Variants in PCDHA1 observed in about 807,000 individuals in gnomAD.
PCDHA1 encodes protocadherin alpha-1.
Under a neutral mutation model 61.3 loss-of-function variants are expected in PCDHA1, and 42 were observed. The ratio of observed to expected loss-of-function variants is 0.69; its 90% confidence interval spans 0.54 to 0.89. The LOEUF (loss-of-function observed/expected upper bound fraction) is 0.89. Ranked by LOEUF, PCDHA1 falls within the 40% of genes least tolerant of loss-of-function variation. The pLI is 0.00. For synonymous variants in PCDHA1, 610 were observed against 553.8 expected (o/e 1.10, Z -1.43); for missense variants, 1,256 against 1,235.3 (o/e 1.02, Z -0.25).
intron 1 of PCDHA1, chr5:140,809,025 C>T (rs782755918): frequency 1.2e-6 from 2 of 1,613,628 alleles, no homozygotes; most frequent in African/African-American, 1.3e-5. Context: ...GAGCTGCAGC[C>T]GGGGACTGGT....
intron 1 of PCDHA1, chr5:140,795,517 A>T: frequency 1.9e-6 from 3 of 1,614,180 alleles, no homozygotes; most frequent in Non-Finnish European, 2.5e-6. Context: ...TATACAGGCA[A>T]ATGATGAACT....
At chr5:140,884,033 C>T in intron 1 of PCDHA1, 1 of 1,613,402 alleles carries the variant, frequency 6.2e-7, no homozygotes, top group Non-Finnish European at 8.5e-7. Context: ...GGGTGCAGGC[C>T]ACGTGGTGGC....
rs377029109 is a variant in PCDHA1, at chr5:141,002,346, C to G, written c.2543-7281C>G. On this transcript the variant is annotated intron_variant, in intron 3 of 3. Coordinates refer to ENST00000504120, the MANE Select transcript of PCDHA1 (RefSeq NM_018900.4). Reference sequence around the variant, plus strand: ...CGGGCTGCATCCGCACCCCTTCCCCCACCTCCACTCCTTTCAACTCATTCT... The same window carrying G: ...CGGGCTGCATCCGCACCCCTTCCCCGACCTCCACTCCTTTCAACTCATTCT... Among the ~76,000 whole-genome samples, 17 of 152,370 alleles carry G rather than the reference C, an allele frequency of 1.1e-4. No homozygotes were observed. The East Asian group carries it at 2.7e-3, about 24-fold the overall frequency.
chr5:140,870,666 G>T (rs782557554), intron 1 of PCDHA1: 1 of 1,612,662 alleles, frequency 6.2e-7, no homozygotes, highest in Admixed American at 1.7e-5. Context: ...CGCTGCAGCC[G>T]TTGGACCACG....
chr5:140,884,721 T>C, intron 1 of PCDHA1: 1 of 1,464,684 alleles, frequency 6.8e-7, no homozygotes, highest in South Asian at 1.5e-5. Flanking sequence ...TTGCAGTTGT[T>C]TGTTTAAGAC....
At position 140,883,814 on chromosome 5, in the gene PCDHA1, A is replaced by C. The variant is rs782678422; in HGVS notation, c.2394+95130A>C. 6.2e-7 allele frequency: 1 copy of C among 1,612,478 alleles called. No homozygotes were observed. ...CGTGTCGGTGCACGCGGAGAGCGGC[A>C]AGGTGTACGCGCTGCAGCCGTTGGA... On this transcript the variant is annotated intron_variant, in intron 1 of 3. Coordinates refer to ENST00000504120, the MANE Select transcript of PCDHA1 (RefSeq NM_018900.4).
At chr5:140,863,771 G>A (rs557463364) in intron 1 of PCDHA1, 111 of 240,518 alleles carry the variant, frequency 4.6e-4, no homozygotes, top group Non-Finnish European at 7.8e-4. Context: ...AGCCGAGGCG[G>A]GCGGATCACT....
intron 1 of PCDHA1, chr5:140,805,055 C>T (rs1554123209): frequency 1.3e-6 from 2 of 1,591,694 alleles, no homozygotes; most frequent in Non-Finnish European, 1.7e-6. Flanking sequence ...TACTTGTCTT[C>T]CCAGATATGG....
intron 1 of PCDHA1, chr5:140,882,983 GC>G: frequency 1.2e-6 from 2 of 1,614,130 alleles, no homozygotes; most frequent in Non-Finnish European, 1.7e-6. Context: ...GAATGACAAC[GC>G]CCCGGAATTT....
At chr5:140,920,868 T>C (rs1248971730) in intron 1 of PCDHA1, among the ~76,000 whole-genome samples, 4 of 149,716 alleles carry the variant, frequency 2.7e-5, no homozygotes, top group Non-Finnish European at 1.5e-5. Context: ...ACAAACAAAC[T>C]GTGGCCCTTA....
At chr5:140,927,896 A>C in intron 1 of PCDHA1, 1 of 1,614,200 alleles carries the variant, frequency 6.2e-7, no homozygotes, top group East Asian at 2.2e-5. Flanking sequence ...GACGTGAACG[A>C]TCATGCCCCC....
At chr5:140,922,288 T>C (rs2080761283) in intron 1 of PCDHA1, among the ~76,000 whole-genome samples, 1 of 152,150 alleles carries the variant, frequency 6.6e-6, no homozygotes, top group African/African-American at 2.4e-5. Context: ...GATATGAAAA[T>C]GCTAGGAGAG....
chr5:140,890,585 A>G (rs1158719431), intron 1 of PCDHA1, among the ~76,000 whole-genome samples: 1 of 152,086 alleles, frequency 6.6e-6, no homozygotes, highest in Admixed American at 6.5e-5. Context: ...TATTATTTGG[A>G]AGCCCTTTTC....
chr5:140,829,625 G>C (rs138462086), intron 1 of PCDHA1: 8 of 1,612,066 alleles, frequency 5.0e-6, no homozygotes, highest in South Asian at 3.3e-5. Flanking sequence ...TTCGGTGCAC[G>C]CGGAGAGCGG....
chr5:140,897,722 T>A (rs1236534951), intron 1 of PCDHA1, among the ~76,000 whole-genome samples: 1 of 152,162 alleles, frequency 6.6e-6, no homozygotes, highest in African/African-American at 2.4e-5. Flanking sequence ...GATGGCTGGG[T>A]CAAATAGTAT....
intron 1 of PCDHA1, among the ~76,000 whole-genome samples, chr5:140,905,327 TG>T (rs2071747762): frequency 6.6e-6 from 1 of 152,202 alleles, no homozygotes; most frequent in Non-Finnish European, 1.5e-5. Context: ...TATGCTTTGT[TG>T]AAGATCAGTT....
In PCDHA1 at chr5:140,947,881, A is replaced by G. The variant is rs191017624; in HGVS notation, c.2395-31068A>G. On this transcript the variant is annotated intron_variant, in intron 1 of 3. Transcript: ENST00000504120. ...TATAATGGCTAGGACTTCCAGGACA[A>G]TATAAACAGAAGTGGTGAGAGCAGA... 2.7e-3 allele frequency among the ~76,000 whole-genome samples: 417 copies of G among 151,684 alleles called. 2 individuals carry two copies. Among genetic ancestry groups the G allele is most frequent in the Middle Eastern group, 0.014 (4 of 294 alleles).
intron 1 of PCDHA1, among the ~76,000 whole-genome samples, chr5:140,891,988 A>T (rs1213568167): frequency 6.6e-6 from 1 of 152,216 alleles, no homozygotes. Flanking sequence ...TAAATTACTC[A>T]GTCTGTGGCA....
At chr5:140,818,146 T>C (rs1554127394) in intron 1 of PCDHA1, among the ~76,000 whole-genome samples, 1 of 152,228 alleles carries the variant, frequency 6.6e-6, no homozygotes, top group African/African-American at 2.4e-5. Flanking sequence ...TGCCTTCAAA[T>C]ACGGCTTCTA....
Sources: allele counts gnomAD v4.1 joint callset (sites outside exome capture counted in the v4.1 genomes callset), GRCh38; gene constraint gnomAD v4.1.1; transcripts MANE v1.5; gene names NCBI Gene and HGNC (gene_info 2026-07-23, HGNC 2026-07-21).